FMN2: variants seen among roughly 807,000 people sequenced by gnomAD.
FMN2 encodes formin-2.
In FMN2, 51 loss-of-function variants were observed where a neutral mutation model predicts 142.3. The observed-to-expected ratio is 0.36, with a 90% CI of 0.29 to 0.45. The LOEUF is 0.45. FMN2 is among the 20% of genes least tolerant of loss of function. The pLI, the probability that FMN2 is intolerant of heterozygous loss-of-function variation, is 1.00. For missense variants in FMN2, 1,936 were observed against 2,122.8 expected, an observed-to-expected ratio of 0.91 and a Z score of 1.73; for synonymous variants, 882 against 869.8, an observed-to-expected ratio of 1.01 and a Z score of -0.25.
intron 2 of FMN2, among the ~76,000 whole-genome samples, chr1:240,147,491 G>T (rs1250729985): frequency 6.6e-6 from 1 of 151,976 alleles, no homozygotes; most frequent in Non-Finnish European, 1.5e-5. Context: ...ACAAAAGAGT[G>T]ATTTTTTTTT....
intron 2 of FMN2, among the ~76,000 whole-genome samples, chr1:240,129,995 G>A (rs993563024): frequency 1.3e-5 from 2 of 151,670 alleles, no homozygotes; most frequent in Non-Finnish European, 2.9e-5. Flanking sequence ...AATTCAGATC[G>A]TATCTCTTGC....
In FMN2 at chr1:240,228,305, AAAAAAAAAAAAAAAAAAAAAAAAAAAAG is replaced by A. The variant is rs953805354; in HGVS notation, c.4065+17076_4065+17103del. ...GCAACAAGAGTGAAACTCTGTCTCA[AAAAAAAAAAAAAAAAAAAAAAAAAAAAG>A]AAAAAGAAAAAGAAAAAGAAAGAAA... On this transcript the variant is annotated intron_variant, in intron 6 of 17. Coordinates refer to ENST00000319653, the MANE Select transcript of FMN2 (RefSeq NM_020066.5). Among the ~76,000 whole-genome samples, 63 of 50,806 alleles carry A rather than the reference AAAAAAAAAAAAAAAAAAAAAAAAAAAAG, an allele frequency of 1.2e-3. 1 individual carries two copies. Among genetic ancestry groups the A allele is most frequent in the African/African-American group, 9.0e-3 (56 of 6,206 alleles). The allele number at this position is 50,806 out of a possible 152,430, so 33.3% of individuals were successfully genotyped here.
chr1:240,284,964 T>A (rs544309718), intron 7 of FMN2, among the ~76,000 whole-genome samples: 1 of 152,200 alleles, frequency 6.6e-6, no homozygotes, highest in South Asian at 2.1e-4. Context: ...TTCTTTCCTG[T>A]TATTTGGATG....
intron 1 of FMN2, among the ~76,000 whole-genome samples, chr1:240,094,787 A>G (rs61828757): frequency 0.28 from 41,953 of 152,184 alleles, 7,658 homozygotes; most frequent in African/African-American, 0.52. Context: ...CTTATGTTCT[A>G]TTATTTTAAT....
At chr1:240,262,405 A>G (rs185194958) in intron 7 of FMN2, among the ~76,000 whole-genome samples, 5 of 152,224 alleles carry the variant, frequency 3.3e-5, no homozygotes, top group Non-Finnish European at 5.9e-5. Context: ...CAGCATTTTT[A>G]GTTGTTGTTA....
intron 7 of FMN2, among the ~76,000 whole-genome samples, chr1:240,291,997 TG>T (rs1366130956): frequency 4.4e-5 from 6 of 135,428 alleles, no homozygotes; most frequent in Non-Finnish European, 7.9e-5. Flanking sequence ...TCCTTGCCCC[TG>T]CCCCATAAAG....
intron 8 of FMN2, among the ~76,000 whole-genome samples, chr1:240,299,658 C>T (rs151237485): frequency 1.6e-4 from 25 of 152,156 alleles, no homozygotes; most frequent in South Asian, 6.2e-4. Flanking sequence ...TAATTTCAGA[C>T]GTGATTGCCT....
At chr1:240,149,305 A>G (rs1452940811) in intron 2 of FMN2, among the ~76,000 whole-genome samples, 2 of 152,214 alleles carry the variant, frequency 1.3e-5, no homozygotes, top group Non-Finnish European at 2.9e-5. Flanking sequence ...CTTTTCACAG[A>G]TTAATTTTTA....
intron 2 of FMN2, among the ~76,000 whole-genome samples, chr1:240,128,311 T>C (rs185132721): frequency 8.6e-4 from 131 of 152,314 alleles, no homozygotes; most frequent in Admixed American, 7.7e-3. Context: ...ACCACACTTA[T>C]CTTACATAAT....
chr1:240,131,855 G>C (rs1362931583), intron 2 of FMN2, among the ~76,000 whole-genome samples: 3 of 152,212 alleles, frequency 2.0e-5, no homozygotes, highest in Non-Finnish European at 2.9e-5. Flanking sequence ...AAGACAACCT[G>C]GGGGTGCTTT....
chr1:240,176,803 T>C (rs1365303002), intron 2 of FMN2, among the ~76,000 whole-genome samples: 1 of 152,214 alleles, frequency 6.6e-6, no homozygotes, highest in Non-Finnish European at 1.5e-5. Flanking sequence ...TGTGGTCCTT[T>C]CTGATCCAAC....
chr1:240,371,616 T>A (rs967357478), intron 14 of FMN2, among the ~76,000 whole-genome samples: 1 of 152,254 alleles, frequency 6.6e-6, no homozygotes, highest in Non-Finnish European at 1.5e-5. Flanking sequence ...TACCAACGTG[T>A]TGATTCAGAA....
chr1:240,358,110 T>C lies in FMN2; in HGVS notation c.4858+2202T>C, dbSNP rs1309816639. 2.0e-5 allele frequency among the ~76,000 whole-genome samples: 3 copies of C among 152,350 alleles called. No individual in the cohort carries two copies. In the East Asian group the frequency reaches 5.8e-4, roughly 29 times the overall value. ...TCTTCCACTACTTTCAGTTGCCTTTTTATTTCTTCTTTGCATCTGTTCGAG... is the reference window on the plus strand; with the variant it reads ...TCTTCCACTACTTTCAGTTGCCTTTCTATTTCTTCTTTGCATCTGTTCGAG... On this transcript the variant is annotated intron_variant, in intron 14 of 17. Transcript: ENST00000319653.
At chr1:240,132,310 A>G (rs1662773104) in intron 2 of FMN2, among the ~76,000 whole-genome samples, 1 of 152,234 alleles carries the variant, frequency 6.6e-6, no homozygotes, top group Non-Finnish European at 1.5e-5. Flanking sequence ...ATGAGCAAAT[A>G]AATCTCGTAA....
chr1:240,370,001 G>T (rs1267217401), intron 14 of FMN2, among the ~76,000 whole-genome samples: 1 of 152,052 alleles, frequency 6.6e-6, no homozygotes, highest in Non-Finnish European at 1.5e-5. Context: ...GCCTGATTTA[G>T]TGGGGTGATT....
chr1:240,212,971 G>GT (rs1190079196), intron 6 of FMN2, among the ~76,000 whole-genome samples: 2 of 151,944 alleles, frequency 1.3e-5, no homozygotes, highest in East Asian at 1.9e-4. Context: ...TTGTTTGTTT[G>GT]TTTTTTTGGC....
At chr1:240,340,815 A>G (rs1410217200) in intron 13 of FMN2, among the ~76,000 whole-genome samples, 3 of 152,014 alleles carry the variant, frequency 2.0e-5, no homozygotes, top group Non-Finnish European at 4.4e-5. Context: ...TATGGTATGA[A>G]TATATTCTTT....
In FMN2 at chr1:240,307,970, T is replaced by TTTAA. The variant is rs10651455; in HGVS notation, c.4215+13103_4215+13106dup. On this transcript the variant is annotated intron_variant, in intron 8 of 17. Coordinates refer to ENST00000319653, the MANE Select transcript of FMN2 (RefSeq NM_020066.5). ...TTCACCTTCTTGGTATTCCTAGGTA[T>TTTAA]TTAATTAATTAATTAATTATTGTGG... Among the ~76,000 whole-genome samples the TTTAA allele has an allele frequency of 9.1e-3, 1,390 of 151,938 alleles. 29 individuals carry two copies. The highest frequency in any genetic ancestry group is 0.031 in the African/African-American group (1,265 of 41,236).
At chr1:240,196,125 G>A (rs958857120) in intron 4 of FMN2, among the ~76,000 whole-genome samples, 86 of 152,336 alleles carry the variant, frequency 5.6e-4, no homozygotes, top group African/African-American at 2.0e-3. Context: ...GAGCCTAATA[G>A]AGGATTTAAA....
Sources: allele counts gnomAD v4.1 joint callset (sites outside exome capture counted in the v4.1 genomes callset), GRCh38; gene constraint gnomAD v4.1.1; transcripts MANE v1.5; gene names NCBI Gene and HGNC (gene_info 2026-07-23, HGNC 2026-07-21).